The following CSMD1 variants were observed in gnomAD, a reference collection of about 807,000 sequenced individuals.
CSMD1 encodes CUB and Sushi multiple domains 1, also known as CUB and sushi domain-containing protein 1.
Under a neutral mutation model 417.5 loss-of-function variants are expected in CSMD1, and 213 were observed. The observed-to-expected ratio is 0.51, with a 90% confidence interval of 0.46 to 0.57. The LOEUF is 0.57. Ranked by LOEUF, CSMD1 falls within the 20% of genes least tolerant of loss-of-function variation. The probability of loss-of-function intolerance (pLI) is 0.00; values close to 1 mark genes in which losing one functional copy is unlikely to be tolerated. For missense variants in CSMD1, 6,923 were observed against 4,529.7 expected, an observed-to-expected ratio of 1.53 and a Z score of -15.17; for synonymous variants, 2,862 against 1,736.8, an observed-to-expected ratio of 1.65 and a Z score of -16.11.
chr8:4,285,719 C>G (rs1424616029), intron 3 of CSMD1, among the ~76,000 whole-genome samples: 3 of 152,256 alleles, frequency 2.0e-5, no homozygotes, highest in South Asian at 4.1e-4. Flanking sequence ...CAGTCAGGGC[C>G]ACAGGCTTCT....
At chr8:4,525,193 C>A (rs1426426536) in intron 2 of CSMD1, among the ~76,000 whole-genome samples, 2 of 152,132 alleles carry the variant, frequency 1.3e-5, no homozygotes, top group African/African-American at 2.4e-5. Context: ...ATGCCACAAC[C>A]CCCACCTACC....
At chr8:3,108,876 G>A in intron 43 of CSMD1, 128 bp from the exon 44 acceptor site, 2 of 890,628 alleles carry the variant, frequency 2.2e-6, no homozygotes, top group Non-Finnish European at 1.7e-6. Flanking sequence ...AGGATACTGT[G>A]TTTGTAAACA....
In CSMD1 at chr8:3,901,586, T is replaced by G. The variant is rs562481853; in HGVS notation, c.818+96317A>C. Among the ~76,000 whole-genome samples, 46 of 152,364 alleles carry G rather than the reference T, an allele frequency of 3.0e-4. No homozygotes were observed. The South Asian group carries it at 5.0e-3, about 16-fold the overall frequency. ...AGTAGAGTCCTCATTCGGAGAGCCT[T>G]GGGGCTCAGATCTTTTGATAGTTTC... On this transcript the variant is annotated intron_variant, in intron 5 of 69. Transcript: ENST00000635120.
At chr8:3,598,950 G>C (rs1366219730) in intron 8 of CSMD1, among the ~76,000 whole-genome samples, 3 of 152,092 alleles carry the variant, frequency 2.0e-5, no homozygotes, top group African/African-American at 7.2e-5. Context: ...GCATGGTGGA[G>C]TGCACCTGTA....
At chr8:4,813,990 T>G (rs1799060619) in intron 1 of CSMD1, among the ~76,000 whole-genome samples, 1 of 152,238 alleles carries the variant, frequency 6.6e-6, no homozygotes, top group African/African-American at 2.4e-5. Flanking sequence ...CAACAATTGT[T>G]GCATAATTGA....
intron 5 of CSMD1, among the ~76,000 whole-genome samples, chr8:3,866,920 G>C (rs4275246): frequency 0.08 from 12,133 of 152,192 alleles, 543 homozygotes; most frequent in South Asian, 0.15. Context: ...ACTGCCACTG[G>C]ACATATGCAT....
intron 3 of CSMD1, among the ~76,000 whole-genome samples, chr8:4,325,396 T>C (rs2128887013): frequency 6.6e-6 from 1 of 152,250 alleles, no homozygotes; most frequent in East Asian, 1.9e-4. Flanking sequence ...AATCCCACTG[T>C]GATCTGCCTT....
At chr8:4,123,068 A>G (rs1802575913) in intron 3 of CSMD1, among the ~76,000 whole-genome samples, 1 of 152,340 alleles carries the variant, frequency 6.6e-6, no homozygotes, top group South Asian at 2.1e-4. Flanking sequence ...AAAAGCTTTG[A>G]TGCTTTCATA....
At chr8:4,745,901 G>C (rs541238236) in intron 1 of CSMD1, among the ~76,000 whole-genome samples, 3 of 152,148 alleles carry the variant, frequency 2.0e-5, no homozygotes, top group African/African-American at 7.2e-5. Flanking sequence ...AGCCACTTCC[G>C]TGCAATCAAG....
chr8:3,690,382 G>C (rs1563276204), intron 7 of CSMD1, among the ~76,000 whole-genome samples: 1 of 152,252 alleles, frequency 6.6e-6, no homozygotes, highest in East Asian at 1.9e-4. Context: ...AAAATTACCT[G>C]AATCTAAAAT....
intron 54 of CSMD1, among the ~76,000 whole-genome samples, chr8:2,986,666 A>G (rs190126982): frequency 4.5e-4 from 68 of 151,910 alleles, no homozygotes; most frequent in African/African-American, 1.5e-3. Flanking sequence ...CACCACGCCC[A>G]GCTAATTTTT....
intron 18 of CSMD1, among the ~76,000 whole-genome samples, chr8:3,379,435 G>T (rs1017669374): frequency 6.6e-6 from 1 of 152,140 alleles, no homozygotes; most frequent in Non-Finnish European, 1.5e-5. Context: ...AGCCCATATA[G>T]CCAAATGAAT....
At chr8:3,738,137 T>G (rs1033384463) in intron 6 of CSMD1, among the ~76,000 whole-genome samples, 1 of 152,202 alleles carries the variant, frequency 6.6e-6, no homozygotes, top group Non-Finnish European at 1.5e-5. Flanking sequence ...ACTAAATACA[T>G]TTAGTAGACA....
chr8:4,420,275 T>G (rs1385008187), intron 2 of CSMD1, among the ~76,000 whole-genome samples: 1 of 152,188 alleles, frequency 6.6e-6, no homozygotes, highest in African/African-American at 2.4e-5. Context: ...TTTAAATAAC[T>G]TGAGAGAATT....
At chr8:3,888,194 A>G (rs1017802812) in intron 5 of CSMD1, among the ~76,000 whole-genome samples, 1 of 152,206 alleles carries the variant, frequency 6.6e-6, no homozygotes, top group African/African-American at 2.4e-5. Context: ...TACCTGACCT[A>G]AAAACTTCAA....
At chr8:3,876,968 A>G (rs1585127200) in intron 5 of CSMD1, among the ~76,000 whole-genome samples, 4 of 152,344 alleles carry the variant, frequency 2.6e-5, no homozygotes, top group South Asian at 2.1e-4. Flanking sequence ...GAAATAATTC[A>G]TAAGTCATAA....
intron 5 of CSMD1, among the ~76,000 whole-genome samples, chr8:3,842,115 C>T (rs986929617): frequency 2.0e-5 from 3 of 152,184 alleles, no homozygotes; most frequent in Non-Finnish European, 4.4e-5. Context: ...TTCATTCTGC[C>T]TAATTCAACC....
chr8:4,016,424 C>T (rs1796526220), intron 4 of CSMD1, among the ~76,000 whole-genome samples: 1 of 152,134 alleles, frequency 6.6e-6, no homozygotes, highest in African/African-American at 2.4e-5. Context: ...GACCCTGCAG[C>T]TGCACTGAGC....
intron 3 of CSMD1, among the ~76,000 whole-genome samples, chr8:4,141,934 T>A (rs993654668): frequency 4.6e-5 from 7 of 151,078 alleles, no homozygotes; most frequent in African/African-American, 1.7e-4. Flanking sequence ...TGCTATGCTA[T>A]CCAAAATAAC....
Sources: gnomAD v4.1 joint callset for allele counts (sites outside exome capture counted in the v4.1 genomes callset) on GRCh38, gnomAD v4.1.1 for gene constraint, MANE v1.5 for transcripts, NCBI Gene and HGNC (gene_info 2026-07-23, HGNC 2026-07-21) for gene names.